Variants in TRDN observed in about 807,000 individuals in gnomAD.
TRDN encodes triadin in skeletal muscle.
In TRDN, 161 loss-of-function variants were observed where a neutral mutation model predicts 149.7. That is an observed-to-expected ratio of 1.08 (90% CI 0.95 to 1.23). The LOEUF (loss-of-function observed/expected upper bound fraction) is 1.23, where lower values mean the gene tolerates loss of function less well. Ranked by LOEUF, TRDN falls within the 50% of genes most tolerant of loss-of-function variation. The pLI is 0.00. For missense variants in TRDN, 896 were observed against 823.5 expected, an observed-to-expected ratio of 1.09 and a Z score of -1.08; for synonymous variants, 294 against 250.5, an observed-to-expected ratio of 1.17 and a Z score of -1.64.
intron 12 of TRDN, among the ~76,000 whole-genome samples, chr6:123,435,832 G>A (rs943607833): frequency 1.3e-5 from 2 of 152,176 alleles, no homozygotes; most frequent in Non-Finnish European, 2.9e-5. Flanking sequence ...GGCATAATCC[G>A]TTCTCTTGCC....
At chr6:123,295,306 G>A (rs1778153780) in intron 24 of TRDN, among the ~76,000 whole-genome samples, 1 of 152,182 alleles carries the variant, frequency 6.6e-6, no homozygotes, top group Non-Finnish European at 1.5e-5. Flanking sequence ...ACTGTCCTGA[G>A]ATGCTACTCT....
At chr6:123,584,219 C>T (rs76322637) in intron 1 of TRDN, among the ~76,000 whole-genome samples, 1 of 151,692 alleles carries the variant, frequency 6.6e-6, no homozygotes, top group South Asian at 2.1e-4. Flanking sequence ...TGGGACTTAA[C>T]AAAGAGTGAG....
intron 12 of TRDN, among the ~76,000 whole-genome samples, chr6:123,419,540 A>G (rs1007102785): frequency 2.6e-5 from 4 of 151,978 alleles, no homozygotes; most frequent in African/African-American, 9.7e-5. Flanking sequence ...CCCCAGGTTA[A>G]TTTTTTAATT....
chr6:123,632,308 G>C (rs1303753421), intron 1 of TRDN, among the ~76,000 whole-genome samples: 3 of 151,726 alleles, frequency 2.0e-5, no homozygotes, highest in Non-Finnish European at 4.4e-5. Flanking sequence ...CTCCTTTCTT[G>C]CTTTCTCTTT....
At chr6:123,509,855 T>G (rs944584634) in intron 7 of TRDN, 2 of 152,198 alleles carry the variant, frequency 1.3e-5, no homozygotes, top group Admixed American at 1.3e-4. Flanking sequence ...TAATTATTTT[T>G]GTGAAGAATA....
At chr6:123,311,063 A>G (rs1114602) in intron 24 of TRDN, among the ~76,000 whole-genome samples, 27,442 of 151,926 alleles carry the variant, frequency 0.18, 3,362 homozygotes, top group East Asian at 0.6. Flanking sequence ...AGTCTGTTTC[A>G]TACTGCTAAA....
chr6:123,328,731 C>T (rs1779555891), intron 23 of TRDN, among the ~76,000 whole-genome samples: 1 of 152,156 alleles, frequency 6.6e-6, no homozygotes, highest in Non-Finnish European at 1.5e-5. Flanking sequence ...CACCAGAGAA[C>T]TATTTACGGC....
chr6:123,473,428 G>C (rs1269446751), intron 9 of TRDN, among the ~76,000 whole-genome samples: 5 of 151,766 alleles, frequency 3.3e-5, no homozygotes, highest in African/African-American at 1.2e-4. Context: ...AAGCCTCCAA[G>C]AAATATGGGA....
At chr6:123,316,852 C>G (rs1300238567) in intron 23 of TRDN, among the ~76,000 whole-genome samples, 1 of 151,756 alleles carries the variant, frequency 6.6e-6, no homozygotes, top group African/African-American at 2.4e-5. Flanking sequence ...AGAAAAACGT[C>G]ATAAATTTTC....
intron 12 of TRDN, among the ~76,000 whole-genome samples, chr6:123,420,741 A>G (rs1773861882): frequency 6.6e-6 from 1 of 152,214 alleles, no homozygotes; most frequent in Admixed American, 6.5e-5. Context: ...GCATTATACT[A>G]GGTGCTAGAT....
In TRDN at chr6:123,594,719, A is replaced by T. The variant is rs528659216; in HGVS notation, c.23-23587T>A. ...AAATACAGGGATCATTTTAGGATTA[A>T]TAAACAACTGAAAATTTATAGTATG... On this transcript the variant is annotated intron_variant, in intron 1 of 40. Coordinates refer to ENST00000334268, the MANE Select transcript of TRDN (RefSeq NM_006073.4). Among the ~76,000 whole-genome samples, 50 of 151,380 alleles carry T rather than the reference A, an allele frequency of 3.3e-4. No homozygotes were observed. In the South Asian group the frequency reaches 6.5e-3, roughly 20 times the overall value.
At chr6:123,582,112 A>G (rs931917905) in intron 1 of TRDN, among the ~76,000 whole-genome samples, 1 of 152,140 alleles carries the variant, frequency 6.6e-6, no homozygotes, top group Non-Finnish European at 1.5e-5. Context: ...TACAGGCAAA[A>G]CCAATAATCA....
intron 1 of TRDN, among the ~76,000 whole-genome samples, chr6:123,579,404 G>A (rs897387251): frequency 2.0e-4 from 30 of 152,122 alleles, no homozygotes; most frequent in African/African-American, 6.0e-4. Context: ...ATAATCATGT[G>A]GTTTTTATCT....
chr6:123,260,589 C>T, intron 34 of TRDN, 23 bp downstream of exon 34: 2 of 1,474,024 alleles, frequency 1.4e-6, no homozygotes, highest in Non-Finnish European at 1.8e-6. Flanking sequence ...TATCTTATCT[C>T]CTCTGAAAAA....
intron 14 of TRDN, among the ~76,000 whole-genome samples, chr6:123,383,489 T>C (rs376292082): frequency 3.1e-4 from 47 of 152,186 alleles, no homozygotes; most frequent in African/African-American, 1.1e-3. Flanking sequence ...TTTCTCAGGA[T>C]ATTGCTTTGT....
At chr6:123,477,576 C>T (rs948995286) in intron 9 of TRDN, among the ~76,000 whole-genome samples, 2 of 150,140 alleles carry the variant, frequency 1.3e-5, no homozygotes, top group African/African-American at 2.5e-5. Context: ...ACCCAAAGGA[C>T]TATAAATCAT....
intron 33 of TRDN, among the ~76,000 whole-genome samples, 186 bp from the exon 34 acceptor site, chr6:123,260,824 A>G (rs1222855397): frequency 6.6e-6 from 1 of 151,838 alleles, no homozygotes; most frequent in Admixed American, 6.6e-5. Context: ...TGATAGCTGT[A>G]ACTAGACATC....
At chr6:123,457,154 A>G (rs1776175742) in intron 10 of TRDN, among the ~76,000 whole-genome samples, 1 of 152,220 alleles carries the variant, frequency 6.6e-6, no homozygotes, top group Non-Finnish European at 1.5e-5. Context: ...GTAAAAAACC[A>G]TTTCTTTTAT....
At chr6:123,343,875 A>G (rs1162969616) in intron 21 of TRDN, among the ~76,000 whole-genome samples, 13 of 152,068 alleles carry the variant, frequency 8.5e-5, no homozygotes, top group Admixed American at 8.5e-4. Flanking sequence ...CATATGTTGA[A>G]ATCCTACTCC....
Sources: gnomAD v4.1 joint callset for allele counts (sites outside exome capture counted in the v4.1 genomes callset) on GRCh38, gnomAD v4.1.1 for gene constraint, MANE v1.5 for transcripts, NCBI Gene and HGNC (gene_info 2026-07-23, HGNC 2026-07-21) for gene names.